The following MZT2A variants were observed in gnomAD, a reference collection of about 807,000 sequenced individuals.
MZT2A encodes mitotic spindle organizing protein 2A.
A neutral mutation model predicts 12.4 loss-of-function variants in MZT2A; 8 were observed. The ratio of observed to expected loss-of-function variants is 0.64; its 90% CI spans 0.38 to 1.16. The LOEUF is 1.16. Among genes scored for constraint, MZT2A ranks in the 50% most tolerant of loss-of-function variants. The pLI is 0.01. For missense variants in MZT2A, 181 were observed against 223.6 expected (o/e 0.81, Z 1.22); for synonymous variants, 88 against 107.5 (o/e 0.82, Z 1.12).
chr2:131,488,960 T>C (rs188623600), intron 2 of MZT2A, among the ~76,000 whole-genome samples: 230 of 137,948 alleles, frequency 1.7e-3, no homozygotes, highest in South Asian at 4.7e-3. Flanking sequence ...TATGCCTGCA[T>C]TTCCAGTGCC....
chr2:131,475,971 T>C, intron 2 of MZT2A: 3 of 781,796 alleles, frequency 3.8e-6, no homozygotes, highest in South Asian at 3.8e-5. Context: ...CCGCCAATCC[T>C]ACATCCAATC....
rs115246649 is a variant in MZT2A at position 131,490,475 on chromosome 2, T to A, written c.319+1401A>T. On this transcript the variant is annotated intron_variant, in intron 2 of 2. Coordinates refer to ENST00000309451, the MANE Select transcript of MZT2A (RefSeq NM_001085365.2). Reference sequence around the variant, plus strand: ...ACTCACCACTAGTTCGCCTCTGGGGTGTGGGGATGTTGGTCCTGTCCCCGG... The same window carrying A: ...ACTCACCACTAGTTCGCCTCTGGGGAGTGGGGATGTTGGTCCTGTCCCCGG... 2.9e-4 allele frequency: 408 copies of A among 1,390,220 alleles called. 1 individual carries two copies. The African/African-American group carries it at 5.5e-3, about 19-fold the overall frequency. 86.1% of individuals were successfully genotyped at this position (1,390,220 alleles called of 1,614,324 possible). A position where few individuals can be genotyped will look rare whatever the true frequency, so the allele number is the denominator to read the frequency against.
intron 2 of MZT2A, among the ~76,000 whole-genome samples, chr2:131,472,839 T>C (rs911854691): frequency 1.5e-4 from 23 of 152,202 alleles, no homozygotes; most frequent in African/African-American, 5.5e-4. Context: ...CACCGTGTGA[T>C]GTGGGCTACA....
chr2:131,479,319 A>G, downstream of MZT2A: 1 of 1,614,040 alleles, frequency 6.2e-7, no homozygotes. Context: ...TGAAGTGCGC[A>G]CAGGGACCTA....
chr2:131,475,611 G>A (rs1410858548), intron 2 of MZT2A, among the ~76,000 whole-genome samples: 1 of 152,262 alleles, frequency 6.6e-6, no homozygotes, highest in Admixed American at 6.5e-5. Flanking sequence ...GATTGCGGGC[G>A]TTAGCCATCG....
chr2:131,474,828 C>T (rs1212429278), intron 2 of MZT2A, among the ~76,000 whole-genome samples: 10 of 143,300 alleles, frequency 7.0e-5, no homozygotes, highest in Non-Finnish European at 1.3e-4. Flanking sequence ...GACTTCTTCT[C>T]TAATTTCAAA....
chr2:131,481,445 T>C (rs1188557193), downstream of MZT2A, among the ~76,000 whole-genome samples: 1 of 150,458 alleles, frequency 6.6e-6, no homozygotes, highest in African/African-American at 2.5e-5. Flanking sequence ...ATTTTTTTTT[T>C]TTTTTTTTGA....
chr2:131,485,623 T>A (rs984754420), intron 2 of MZT2A, among the ~76,000 whole-genome samples: 2 of 152,166 alleles, frequency 1.3e-5, no homozygotes, highest in Admixed American at 6.5e-5. Context: ...TTGGAAAGGT[T>A]TGGGGCAGTC....
Position 131,491,943 on chromosome 2 carries a change from C to T in MZT2A, c.252G>A (p.Arg84=). The change falls in exon 2 of 3, where the codon AGG becomes AGA. Residue 84 remains arginine (R), a synonymous_variant. Coordinates refer to ENST00000309451, the MANE Select transcript of MZT2A (RefSeq NM_001085365.2). Reference sequence around the variant, plus strand: ...CAGGGTCCTGGGGCTCGCTCGCTAGCCTCTGCCCGGCACACATGGACTTGA... The same window carrying T: ...CAGGGTCCTGGGGCTCGCTCGCTAGTCTCTGCCCGGCACACATGGACTTGA... ...QMLKSMCAGQ[R]LASEPQDPAA... is the part of the protein sequence containing the mutation. 1 of 1,541,256 alleles carries T rather than the reference C, an allele frequency of 6.5e-7. No individual in the cohort carries two copies. Among genetic ancestry groups the T allele is most frequent in the Non-Finnish European group, 8.8e-7 (1 of 1,141,206 alleles).
At chr2:131,483,162 G>C (rs1298274306), downstream of MZT2A, among the ~76,000 whole-genome samples, 1 of 152,194 alleles carries the variant, frequency 6.6e-6, no homozygotes, top group East Asian at 1.9e-4. Context: ...GGAAAGCAGA[G>C]TCAGGGTTTT....
At chr2:131,484,876 C>T (rs1295111100) in intron 2 of MZT2A, among the ~76,000 whole-genome samples, 2 of 152,218 alleles carry the variant, frequency 1.3e-5, no homozygotes, top group Non-Finnish European at 2.9e-5. Flanking sequence ...CAGAGGCTCT[C>T]TCGGATGAAG....
intron 2 of MZT2A, chr2:131,478,120 T>G (rs931240112): frequency 6.3e-7 from 1 of 1,589,702 alleles, no homozygotes; most frequent in Non-Finnish European, 8.6e-7. Context: ...TAGTTTCAAG[T>G]TGCCTTGAAA....
chr2:131,488,604 C>T (rs1679152694), intron 2 of MZT2A, among the ~76,000 whole-genome samples: 1 of 151,770 alleles, frequency 6.6e-6, no homozygotes, highest in Non-Finnish European at 1.5e-5. Context: ...TCTGCCATTA[C>T]CAGGGCAGCT....
chr2:131,471,980 G>A lies in MZT2A; in HGVS notation c.393+88C>T, dbSNP rs1463573868. 2.6e-6 allele frequency: 3 copies of A among 1,171,782 alleles called. No individual in the cohort carries two copies. The African/African-American group carries it at 5.1e-5, about 20-fold the overall frequency. The allele number at this position is 1,171,782 out of a possible 1,614,324, so 72.6% of individuals were successfully genotyped here. The stretch of plus-strand genomic sequence containing the variant: ...GACAGTCCATGAGCAGGAGTCCCAA[G>A]GAGGTCTTTAAACATCTGTATGAAC... On this transcript the variant is annotated intron_variant and NMD_transcript_variant, in intron 3 of 4. Coordinates refer to the MZT2A transcript ENST00000427024.
At chr2:131,480,242 G>A, downstream of MZT2A, 1 of 1,613,912 alleles carries the variant, frequency 6.2e-7, no homozygotes, top group Non-Finnish European at 8.5e-7. Flanking sequence ...CCGTGGTGGA[G>A]CCCTACAACT....
upstream of MZT2A, chr2:131,492,593 C>A (rs1217225043): frequency 2.1e-5 from 25 of 1,187,294 alleles, no homozygotes; most frequent in African/African-American, 3.9e-4. Flanking sequence ...TCGGGAGTGG[C>A]ATGGCGGACT....
chr2:131,480,390 C>A (rs1678817955), downstream of MZT2A: 2 of 1,603,682 alleles, frequency 1.2e-6, no homozygotes, highest in Admixed American at 3.4e-5. Context: ...CCTGATTGGG[C>A]AGATCGTGTC....
chr2:131,486,608 T>A (rs1158426444), intron 2 of MZT2A: 2 of 151,326 alleles, frequency 1.3e-5, no homozygotes, highest in Admixed American at 1.3e-4. Flanking sequence ...AATAATGCTT[T>A]TTTTTTTTTT....
At chr2:131,483,827 A>T (rs1678939428), downstream of MZT2A, 1 of 946,638 alleles carries the variant, frequency 1.1e-6, no homozygotes, top group Non-Finnish European at 1.4e-6. Flanking sequence ...CTCAGAACCC[A>T]AATCAGGTTC....
Sources: allele counts gnomAD v4.1 joint callset (sites outside exome capture counted in the v4.1 genomes callset), GRCh38; gene constraint gnomAD v4.1.1; transcripts MANE v1.5; gene names NCBI Gene and HGNC (gene_info 2026-07-23, HGNC 2026-07-21).